ITCH: variants seen among roughly 807,000 people sequenced by gnomAD.
The protein encoded by ITCH is E3 ubiquitin-protein ligase Itchy homolog.
In ITCH, 28 loss-of-function variants were observed where a neutral mutation model predicts 126.8. The observed-to-expected ratio is 0.22, with a 90% CI of 0.16 to 0.30. The LOEUF (loss-of-function observed/expected upper bound fraction) is 0.30, where lower values mean the gene tolerates loss of function less well. ITCH is among the 10% of genes least tolerant of loss of function. The probability of loss-of-function intolerance (pLI) is 1.00; values close to 1 mark genes in which losing one functional copy is unlikely to be tolerated. For missense variants in ITCH, 631 were observed against 1,032.4 expected (o/e 0.61, Z 5.33); for synonymous variants, 342 against 340.0 (o/e 1.01, Z -0.06).
Position 34,433,147 on chromosome 20 carries a change from G to A in ITCH, c.522-5327G>A, listed in dbSNP as rs150994327. ...TCTACTGAAAATACAAAAATTGGCCGGGCATGGTGGCAGGTGCCTGTATTC... is the reference window on the plus strand; with the variant it reads ...TCTACTGAAAATACAAAAATTGGCCAGGCATGGTGGCAGGTGCCTGTATTC... On this transcript the variant is annotated intron_variant, in intron 7 of 24. Transcript: ENST00000374864. Among the ~76,000 whole-genome samples the A allele has an allele frequency of 7.6e-3, 1,161 of 152,034 alleles. 18 individuals carry two copies. Among genetic ancestry groups the A allele is most frequent in the African/African-American group, 0.027 (1,118 of 41,468 alleles).
intron 17 of ITCH, 122 bp downstream of exon 17, chr20:34,477,982 A>G: frequency 1.6e-6 from 2 of 1,285,086 alleles, no homozygotes; most frequent in South Asian, 2.6e-5. Context: ...TCAAATTATT[A>G]TACCTTTATT....
chr20:34,497,437 G>A (rs981132678), intron 23 of ITCH, among the ~76,000 whole-genome samples: 1 of 152,308 alleles, frequency 6.6e-6, no homozygotes, highest in East Asian at 1.9e-4. Flanking sequence ...TAGCTTTGTT[G>A]TATATCTTGA....
chr20:34,423,001 G>T (rs1361434359), intron 6 of ITCH, among the ~76,000 whole-genome samples: 1 of 152,122 alleles, frequency 6.6e-6, no homozygotes, highest in African/African-American at 2.4e-5. Context: ...CGCCATGTTG[G>T]CCAGGCTGGT....
At chr20:34,442,793 G>A (rs191366589) in intron 10 of ITCH, among the ~76,000 whole-genome samples, 137 of 150,928 alleles carry the variant, frequency 9.1e-4, no homozygotes, top group African/African-American at 3.1e-3. Flanking sequence ...CTAACGTGGT[G>A]AAACCCCGTT....
At chr20:34,456,633 CAA>C (rs11480631) in intron 12 of ITCH, among the ~76,000 whole-genome samples, 1 of 126,746 alleles carries the variant, frequency 7.9e-6, no homozygotes, top group African/African-American at 3.1e-5. Flanking sequence ...ACCTTGTCTC[CAA>C]AAAAAAAAAT....
intron 16 of ITCH, among the ~76,000 whole-genome samples, chr20:34,474,014 C>A (rs894897813): frequency 1.3e-5 from 2 of 152,150 alleles, no homozygotes; most frequent in Non-Finnish European, 1.5e-5. Context: ...AACCTATCTT[C>A]TAGGTAAACA....
intron 9 of ITCH, chr20:34,441,517 C>A (rs550025462): frequency 1.3e-5 from 2 of 151,850 alleles, no homozygotes; most frequent in Non-Finnish European, 2.9e-5. Flanking sequence ...CTCCGTCTTC[C>A]GGGTTCAAGT....
intron 16 of ITCH, among the ~76,000 whole-genome samples, chr20:34,475,061 G>A (rs1485636203): frequency 6.6e-6 from 1 of 151,520 alleles, no homozygotes; most frequent in African/African-American, 2.4e-5. Context: ...GACCATGGGC[G>A]GCCGGGCAGA....
chr20:34,366,179 T>A (rs1207620972), intron 1 of ITCH, among the ~76,000 whole-genome samples: 1 of 151,142 alleles, frequency 6.6e-6, no homozygotes, highest in African/African-American at 2.4e-5. Context: ...GAGTGTGGAG[T>A]GGAATGGGGA....
chr20:34,393,181 T>C (rs1349825282), intron 2 of ITCH, among the ~76,000 whole-genome samples: 1 of 152,148 alleles, frequency 6.6e-6, no homozygotes, highest in Non-Finnish European at 1.5e-5. Flanking sequence ...GAAGTCTTCT[T>C]TTGGCCCCTG....
At chr20:34,428,719 A>G (rs1203004943) in intron 7 of ITCH, among the ~76,000 whole-genome samples, 4 of 152,114 alleles carry the variant, frequency 2.6e-5, no homozygotes, top group East Asian at 1.9e-4. Flanking sequence ...CGCCCAGCAC[A>G]TGTGCCTTCT....
intron 2 of ITCH, among the ~76,000 whole-genome samples, chr20:34,390,727 G>A (rs2038458996): frequency 6.6e-6 from 1 of 151,030 alleles, no homozygotes. Context: ...TGGGATTACA[G>A]GCTTGAGCCA....
intron 2 of ITCH, among the ~76,000 whole-genome samples, chr20:34,372,312 C>CAA (rs368969042): frequency 0.5 from 35,666 of 71,772 alleles, 7,777 homozygotes; most frequent in Non-Finnish European, 0.52. Context: ...TACTTTGTCT[C>CAA]AAAAAAAAAA....
intron 16 of ITCH, among the ~76,000 whole-genome samples, chr20:34,472,731 A>C (rs542949783): frequency 6.6e-6 from 1 of 152,346 alleles, no homozygotes; most frequent in South Asian, 2.1e-4. Flanking sequence ...CATTAAAGGA[A>C]AAAGCCAGTT....
chr20:34,474,996 G>A (rs1290424564), intron 16 of ITCH, among the ~76,000 whole-genome samples: 6 of 152,022 alleles, frequency 3.9e-5, no homozygotes, highest in South Asian at 2.1e-4. Context: ...GCTGGGCAGA[G>A]GCGCTCCTCA....
intron 7 of ITCH, among the ~76,000 whole-genome samples, chr20:34,427,194 T>G (rs1981653549): frequency 1.3e-5 from 2 of 152,234 alleles, no homozygotes; most frequent in Admixed American, 1.3e-4. Context: ...ATTCTTATGA[T>G]GAAGAATCAT....
chr20:34,464,515 C>G (rs1006138804), intron 14 of ITCH, among the ~76,000 whole-genome samples: 22 of 151,788 alleles, frequency 1.4e-4, no homozygotes, highest in Non-Finnish European at 2.6e-4. Context: ...TAGTAGAAGA[C>G]AGGGTTTCTC....
At chr20:34,442,655 A>G (rs1291400166) in intron 10 of ITCH, among the ~76,000 whole-genome samples, 3 of 149,504 alleles carry the variant, frequency 2.0e-5, no homozygotes, top group Admixed American at 6.7e-5. Context: ...GCCTGGCCCT[A>G]TTTTCACTCA....
Position 34,507,909 on chromosome 20 carries a change from G to A in ITCH, c.*115G>A, listed in dbSNP as rs1489365088. 9 of 752,530 alleles carry A rather than the reference G, an allele frequency of 1.2e-5. No homozygotes were observed. The highest frequency in any genetic ancestry group is 1.9e-5 in the Non-Finnish European group (8 of 423,886). 46.6% of individuals were successfully genotyped at this position (752,530 alleles called of 1,614,324 possible). Reference sequence around the variant, plus strand: ...TGGCTCTTTAGAGAGTTATCTGAGTGTAAGTAAATTAATGTTCTCATTTAG... The same window carrying A: ...TGGCTCTTTAGAGAGTTATCTGAGTATAAGTAAATTAATGTTCTCATTTAG... On this transcript the variant is annotated 3_prime_UTR_variant, in exon 25 of 25. Coordinates refer to ENST00000374864, the MANE Select transcript of ITCH (RefSeq NM_031483.7).
Sources: allele counts gnomAD v4.1 joint callset (sites outside exome capture counted in the v4.1 genomes callset), GRCh38; gene constraint gnomAD v4.1.1; transcripts MANE v1.5; gene names NCBI Gene and HGNC (gene_info 2026-07-23, HGNC 2026-07-21).